The following CASZ1 variants were observed in gnomAD, a reference collection of about 807,000 sequenced individuals.
The protein encoded by CASZ1 is zinc finger protein castor homolog 1.
A neutral mutation model predicts 135.2 loss-of-function variants in CASZ1; 28 were observed. The observed-to-expected ratio is 0.21, with a 90% CI of 0.15 to 0.28. CASZ1 has a LOEUF of 0.28. CASZ1 is among the 10% of genes least tolerant of loss of function. The probability of loss-of-function intolerance (pLI) is 1.00; values close to 1 mark genes in which losing one functional copy is unlikely to be tolerated. For missense variants in CASZ1, 2,161 were observed against 2,453.3 expected (o/e 0.88, Z 2.52); for synonymous variants, 1,068 against 1,073.4 (o/e 0.99, Z 0.10).
chr1:10,780,123 G>A (rs574264242), intron 1 of CASZ1, among the ~76,000 whole-genome samples: 3 of 152,272 alleles, frequency 2.0e-5, no homozygotes, highest in Non-Finnish European at 4.4e-5. Context: ...CTTATAAAGC[G>A]CCCTGGCAGC....
chr1:10,647,185 A>G lies in CASZ1; in HGVS notation c.3497+616T>C. On this transcript the variant is annotated intron_variant, in intron 16 of 20. Transcript: ENST00000377022. This position sits in a 1 kb window ranked among gnomAD's most constrained non-coding sequence, Gnocchi z 4.9. ...TGGGCCCAGCCCCAGTTGCTCAGAG[A>G]GGGAGGACAGCTGCCACTCAGGCGA... The G allele has an allele frequency of 2.1e-6, 2 of 975,000 alleles. No individual in the cohort carries two copies. The highest frequency in any genetic ancestry group is 2.3e-4 in the East Asian group (2 of 8,754). 60.4% of individuals were successfully genotyped at this position (975,000 alleles called of 1,614,324 possible).
rs1436727254 is a variant in CASZ1 at position 10,711,710 on chromosome 1, A to G, written c.-76-6166T>C. Among the ~76,000 whole-genome samples the G allele has an allele frequency of 6.6e-6, 1 of 152,214 alleles. No homozygotes were observed. Among genetic ancestry groups the G allele is most frequent in the Non-Finnish European group, 1.5e-5 (1 of 68,042 alleles). On this transcript the variant is annotated intron_variant, in intron 2 of 20. Transcript: ENST00000377022. This position sits in a 1 kb window ranked among gnomAD's most constrained non-coding sequence, Gnocchi z 4.4. ...ATGGACTGAGAAATGGACATACAAC[A>G]TGGAGTCTGTCCATACTATTGAATA...
At position 10,693,115 on chromosome 1, in the gene CASZ1, A is replaced by G. The variant is rs181755888; in HGVS notation, c.16+759T>C. On this transcript the variant is annotated intron_variant, in intron 4 of 20. Transcript: ENST00000377022. ...CCCAGGTGAGCACCAGGCCTCCTGG[A>G]GCCCCCGGCCTTGTCCCACAGGAGG... Among the ~76,000 whole-genome samples the G allele has an allele frequency of 4.8e-3, 731 of 152,240 alleles. 9 individuals carry two copies. The highest frequency in any genetic ancestry group is 0.017 in the African/African-American group (709 of 41,552).
At position 10,726,509 on chromosome 1, in the gene CASZ1, A is replaced by G. The variant is rs527309054; in HGVS notation, c.-76-20965T>C. On this transcript the variant is annotated intron_variant, in intron 2 of 20. Transcript: ENST00000377022. The surrounding 1 kb of genome is among the most constrained non-coding windows in gnomAD (Gnocchi z 5.7). The stretch of plus-strand genomic sequence containing the variant: ...CAGGCTGGGGCCGGTGGAGGATGCC[A>G]CCTTTTCCTCGTGCCGCCTCAGGCC... 1.1e-4 allele frequency among the ~76,000 whole-genome samples: 16 copies of G among 152,244 alleles called. No homozygotes were observed. The South Asian group carries it at 3.1e-3, about 30-fold the overall frequency.
chr1:10,719,487 C>T lies in CASZ1; in HGVS notation c.-76-13943G>A, dbSNP rs1363306370. ...ACGCCATGCATTTAGAATCTGAGTG[C>T]TTGGGAGAAGGGATCCCTAAGAAGC... is the stretch of plus-strand genomic sequence containing the variant. On this transcript the variant is annotated intron_variant, in intron 2 of 20. Transcript: ENST00000377022. The surrounding 1 kb of genome is among the most constrained non-coding windows in gnomAD (Gnocchi z 4.0). Among the ~76,000 whole-genome samples the T allele has an allele frequency of 2.0e-5, 3 of 152,156 alleles. No homozygotes were observed. The highest frequency in any genetic ancestry group is 4.8e-5 in the African/African-American group (2 of 41,444).
rs1477472593 is a variant in CASZ1, at chr1:10,653,743, T to A, written c.2314A>T (p.Ile772Phe). The A allele has an allele frequency of 6.2e-7, 1 of 1,609,414 alleles. No homozygotes were observed. Among genetic ancestry groups the A allele is most frequent in the Non-Finnish European group, 8.5e-7 (1 of 1,177,680 alleles). Residue 772 changes from isoleucine (I) to phenylalanine (F), a missense_variant, in exon 11 of 21, where the codon ATC becomes TTC. Coordinates refer to ENST00000377022, the MANE Select transcript of CASZ1 (RefSeq NM_001079843.3). ...AGGCCCTGGGGCAGCAGCCCCGAGA[T>A]CTTGCTGTTGGGAGGTTTGGTGGCA... ...PSATKPPNSK[I>F]SGLLPQGLPG... is the part of the protein sequence containing the mutation.
At chr1:10,698,185 G>A (rs769265981) in intron 3 of CASZ1, among the ~76,000 whole-genome samples, 12 of 152,364 alleles carry the variant, frequency 7.9e-5, no homozygotes, top group South Asian at 2.1e-4. Context: ...ACAGCCGCAC[G>A]CTCGGCCCCG....
At chr1:10,746,699 G>A (rs1557548091) in intron 2 of CASZ1, among the ~76,000 whole-genome samples, 1 of 152,250 alleles carries the variant, frequency 6.6e-6, no homozygotes, top group Non-Finnish European at 1.5e-5. Context: ...CCCAGCCCAT[G>A]TCTGGCCTCA....
At chr1:10,785,541 T>C (rs914153089) in intron 1 of CASZ1, among the ~76,000 whole-genome samples, 2 of 152,210 alleles carry the variant, frequency 1.3e-5, no homozygotes, top group African/African-American at 4.8e-5. Flanking sequence ...CACGGCCTCA[T>C]GCCCTTGCTT....
intron 4 of CASZ1, among the ~76,000 whole-genome samples, chr1:10,687,763 C>T (rs928344306): frequency 7.2e-5 from 11 of 152,188 alleles, no homozygotes; most frequent in South Asian, 2.1e-4. Flanking sequence ...AGCAGACTGA[C>T]GTCCCAGTCC....
chr1:10,788,798 C>T lies in CASZ1; in HGVS notation c.-234+7766G>A, dbSNP rs1282175423. Among the ~76,000 whole-genome samples the T allele has an allele frequency of 6.6e-6, 1 of 152,176 alleles. No individual in the cohort carries two copies. The highest frequency in any genetic ancestry group is 1.9e-4 in the East Asian group (1 of 5,180). ...GGAGCTGTGCCATGCCCTGGGCCAGCGCCCTCCCTCCTGTGTGCCAGGGCT... is the reference window on the plus strand; with the variant it reads ...GGAGCTGTGCCATGCCCTGGGCCAGTGCCCTCCCTCCTGTGTGCCAGGGCT... On this transcript the variant is annotated intron_variant, in intron 1 of 20. Transcript: ENST00000377022. This position sits in a 1 kb window ranked among gnomAD's most constrained non-coding sequence, Gnocchi z 4.1.
intron 1 of CASZ1, among the ~76,000 whole-genome samples, chr1:10,792,342 G>GCCCCCCCCC (rs1640976200): frequency 9.9e-4 from 2 of 2,018 alleles, no homozygotes; most frequent in African/African-American, 1.5e-3. Flanking sequence ...CCCCCCCCCG[G>GCCCCCCCCC]CCCCGCACAC....
intron 1 of CASZ1, among the ~76,000 whole-genome samples, chr1:10,769,063 C>G (rs1640528839): frequency 2.0e-5 from 3 of 152,188 alleles, no homozygotes; most frequent in Admixed American, 2.0e-4. Context: ...TCACTTGAAC[C>G]TGGGAGGCGG....
chr1:10,672,483 C>A (rs1450056140), intron 4 of CASZ1, among the ~76,000 whole-genome samples: 1 of 149,532 alleles, frequency 6.7e-6, no homozygotes, highest in African/African-American at 2.5e-5. Flanking sequence ...CCTCCGCCCG[C>A]CGGCCCGCCC....
chr1:10,753,632 C>G (rs1208226426), intron 2 of CASZ1, among the ~76,000 whole-genome samples: 1 of 152,176 alleles, frequency 6.6e-6, no homozygotes, highest in African/African-American at 2.4e-5. Context: ...CTTAAAGTGA[C>G]AAGACCCTGT....
Position 10,653,936 on chromosome 1 carries a change from G to C in CASZ1, c.2121C>G (p.Pro707=). ...CCGTGTCCTTGGCGCCCAGCAGCGA[G>C]GGCGGCAGCCCCAGCGCGCCCGAGG... The part of the protein sequence containing the change: ...IRSSGALGLP[P]SLLGAKDTEH... Residue 707 remains proline (P), a synonymous_variant, in exon 11 of 21, where the codon CCC becomes CCG. Transcript: ENST00000377022. 6.2e-7 allele frequency: 1 copy of C among 1,613,580 alleles called. No homozygotes were observed. Among genetic ancestry groups the C allele is most frequent in the Non-Finnish European group, 8.5e-7 (1 of 1,179,724 alleles).
chr1:10,674,372 G>A (rs997905836), intron 4 of CASZ1, among the ~76,000 whole-genome samples: 2 of 152,234 alleles, frequency 1.3e-5, no homozygotes, highest in East Asian at 1.9e-4. Flanking sequence ...CCCACCAGCC[G>A]ACGCAGACAG....
At chr1:10,744,269 T>C (rs1396248372) in intron 2 of CASZ1, among the ~76,000 whole-genome samples, 1 of 128,754 alleles carries the variant, frequency 7.8e-6, no homozygotes, top group African/African-American at 2.9e-5. Flanking sequence ...GAGCCAAGGG[T>C]GGGGTCCTGG....
rs1570419282 is a variant in CASZ1, at chr1:10,654,074, G to A, written c.1983C>T (p.Tyr661=). Residue 661 remains tyrosine (Y), a synonymous_variant, in exon 11 of 21, where the codon TAC becomes TAT. Coordinates refer to ENST00000377022, the MANE Select transcript of CASZ1 (RefSeq NM_001079843.3). ...YEECKYEGCV[Y]SKATNHFHCI... is the part of the protein sequence containing the mutation. ...AGTGGAAGTGGTTGGTAGCCTTGCTGTACACGCAGCCCTCGTACTTGCACT... is the reference window on the plus strand; with the variant it reads ...AGTGGAAGTGGTTGGTAGCCTTGCTATACACGCAGCCCTCGTACTTGCACT... 6.2e-7 allele frequency: 1 copy of A among 1,614,260 alleles called. No individual in the cohort carries two copies.
Sources: gnomAD v4.1 joint callset for allele counts (sites outside exome capture counted in the v4.1 genomes callset) on GRCh38, gnomAD v4.1.1 for gene constraint, Gnocchi (gnomAD v3.1) non-coding constraint, MANE v1.5 for transcripts, NCBI Gene and HGNC (gene_info 2026-07-23, HGNC 2026-07-21) for gene names.